The following FAM184B variants were observed in gnomAD, a reference collection of about 807,000 sequenced individuals.
FAM184B encodes the protein protein FAM184B.
Under a neutral mutation model 135.9 loss-of-function variants are expected in FAM184B, and 111 were observed. That is an observed-to-expected ratio of 0.82 (90% CI 0.70 to 0.96). The LOEUF is 0.96. Among genes scored for constraint, FAM184B ranks in the 40% least tolerant of loss-of-function variants. The probability of loss-of-function intolerance (pLI) is 0.00; values close to 1 mark genes in which losing one functional copy is unlikely to be tolerated. For missense variants in FAM184B, 1,375 were observed against 1,323.9 expected, an observed-to-expected ratio of 1.04 and a Z score of -0.60; for synonymous variants, 552 against 524.8, an observed-to-expected ratio of 1.05 and a Z score of -0.71.
At chr4:17,729,369 A>T (rs1717718964) in intron 1 of FAM184B, among the ~76,000 whole-genome samples, 1 of 152,218 alleles carries the variant, frequency 6.6e-6, no homozygotes, top group Admixed American at 6.5e-5. Flanking sequence ...GCAGACTTAA[A>T]TGTCCCTGTC....
chr4:17,649,910 A>G (rs1038818993), intron 11 of FAM184B, among the ~76,000 whole-genome samples: 4 of 151,022 alleles, frequency 2.6e-5, no homozygotes, highest in Non-Finnish European at 4.4e-5. Flanking sequence ...CCATCTGTCC[A>G]TCCATTCATC....
Position 17,658,406 on chromosome 4 carries a change from C to A in FAM184B, c.1981G>T (p.Ala661Ser). Reference sequence around the variant, plus strand: ...ATGCGCAGGGCTCTCTGGTGGGAAGCCTCGAGCTGGGCTTTCATGGCGTGG... The same window carrying A: ...ATGCGCAGGGCTCTCTGGTGGGAAGACTCGAGCTGGGCTTTCATGGCGTGG... ...QNHAMKAQLE[A>S]SHQRALRMLE... Residue 661 changes from alanine to serine, a missense_variant, in exon 10 of 18, where the codon GCT becomes TCT. Physicochemically the swap from Ala to Ser is moderately conservative, Grantham distance 99. Coordinates refer to ENST00000265018, the MANE Select transcript of FAM184B (RefSeq NM_015688.2). The A allele has an allele frequency of 6.4e-7, 1 of 1,551,636 alleles. No individual in the cohort carries two copies. The highest frequency in any genetic ancestry group is 8.7e-7 in the Non-Finnish European group (1 of 1,147,000).
At chr4:17,676,484 T>C (rs1398215512) in intron 7 of FAM184B, among the ~76,000 whole-genome samples, 1 of 152,244 alleles carries the variant, frequency 6.6e-6, no homozygotes, top group Non-Finnish European at 1.5e-5. Context: ...AAGTGTATTT[T>C]TTAATTAAGG....
At chr4:17,663,700 A>T (rs192398029) in intron 8 of FAM184B, among the ~76,000 whole-genome samples, 4 of 152,056 alleles carry the variant, frequency 2.6e-5, no homozygotes, top group Admixed American at 2.6e-4. Context: ...AGTCAAGCTC[A>T]TGTAAGTCCT....
At chr4:17,780,790 C>T (rs1428635834) in intron 1 of FAM184B, among the ~76,000 whole-genome samples, 2 of 152,152 alleles carry the variant, frequency 1.3e-5, no homozygotes, top group African/African-American at 4.8e-5. Context: ...ATAGAGCCCA[C>T]ATGACCTCCC....
chr4:17,766,062 C>T (rs923978322), intron 1 of FAM184B, among the ~76,000 whole-genome samples: 16 of 152,236 alleles, frequency 1.1e-4, no homozygotes, highest in African/African-American at 3.9e-4. Context: ...AAAGGAAGTG[C>T]AGGCCCAAAG....
intron 8 of FAM184B, among the ~76,000 whole-genome samples, chr4:17,660,363 C>A (rs1715888555): frequency 6.6e-6 from 1 of 152,072 alleles, no homozygotes; most frequent in Non-Finnish European, 1.5e-5. Context: ...TTAGTGGGTT[C>A]TTAATAAATG....
chr4:17,675,763 CT>C (rs1178070251), intron 7 of FAM184B, among the ~76,000 whole-genome samples: 2 of 152,190 alleles, frequency 1.3e-5, no homozygotes, highest in Non-Finnish European at 2.9e-5. Context: ...ATAGAGATGG[CT>C]TGTTTCCTTA....
At chr4:17,654,711 G>C (rs1306805806) in intron 10 of FAM184B, among the ~76,000 whole-genome samples, 1 of 152,190 alleles carries the variant, frequency 6.6e-6, no homozygotes, top group African/African-American at 2.4e-5. Context: ...AACCACCTTT[G>C]AGCCCAAGTT....
chr4:17,654,546 T>C (rs1715737975), intron 10 of FAM184B, among the ~76,000 whole-genome samples: 1 of 152,208 alleles, frequency 6.6e-6, no homozygotes, highest in Non-Finnish European at 1.5e-5. Context: ...GCAGGGAACC[T>C]GCCTGCAGAG....
chr4:17,679,584 T>C (rs181910578), intron 7 of FAM184B, among the ~76,000 whole-genome samples: 50 of 152,254 alleles, frequency 3.3e-4, no homozygotes, highest in African/African-American at 1.1e-3. Flanking sequence ...TGTAAACTAG[T>C]ATAACCACTA....
Position 17,639,251 on chromosome 4 carries a change from C to A in FAM184B, c.2665G>T (p.Glu889Ter), listed in dbSNP as rs370211318. 91 of 1,551,480 alleles carry A rather than the reference C, an allele frequency of 5.9e-5. No homozygotes were observed. Among genetic ancestry groups the A allele is most frequent in the Non-Finnish European group, 7.9e-5 (91 of 1,146,982 alleles). The change falls in exon 14 of 18, where the codon GAA becomes TAA. Residue 889 changes from glutamate to a stop codon, truncating the protein, a stop_gained and splice_region_variant. Transcript: ENST00000265018. LOFTEE classifies it high-confidence loss of function. Reference protein sequence around the residue: ...LQARLAALEAELKDSGEKPGK... With the variant: ...LQARLAALEA ...CCTGGGGCCCGAGGCCTCACTTACTCGGCTTCCAGGGCAGCCAGCCGGGCC... is the reference window on the plus strand; with the variant it reads ...CCTGGGGCCCGAGGCCTCACTTACTAGGCTTCCAGGGCAGCCAGCCGGGCC...
At chr4:17,766,295 G>A (rs1577295378) in intron 1 of FAM184B, among the ~76,000 whole-genome samples, 1 of 152,196 alleles carries the variant, frequency 6.6e-6, no homozygotes, top group Admixed American at 6.5e-5. Context: ...CCCTGAGCTA[G>A]ACACAAAAGT....
At chr4:17,740,583 T>C (rs1309039096) in intron 1 of FAM184B, among the ~76,000 whole-genome samples, 1 of 152,140 alleles carries the variant, frequency 6.6e-6, no homozygotes, top group African/African-American at 2.4e-5. Flanking sequence ...ATAAAATACA[T>C]AATCTTGCCC....
At chr4:17,659,348 C>T (rs951062545) in intron 9 of FAM184B, among the ~76,000 whole-genome samples, 5 of 152,040 alleles carry the variant, frequency 3.3e-5, no homozygotes, top group Admixed American at 2.0e-4. Context: ...CTCAAGCATT[C>T]CTCCTGCCTC....
In FAM184B at chr4:17,639,378, C is replaced by T. The variant is rs772048329; in HGVS notation, c.2538G>A (p.Gln846=). The T allele has an allele frequency of 1.3e-6, 2 of 1,551,664 alleles. No individual in the cohort carries two copies. Among genetic ancestry groups the T allele is most frequent in the South Asian group, 2.4e-5 (2 of 84,060 alleles). Residue 846 remains glutamine (Q), a synonymous_variant, in exon 14 of 18, where the codon CAG becomes CAA. Transcript: ENST00000265018. ...RDQRRFLEET[Q]QAQRAREVET... is the part of the protein sequence containing the mutation. ...CCACCTCCCTGGCCCGCTGGGCTTG[C>T]TGAGTCTCCTCCAGGAACCTGTGGT...
At chr4:17,775,368 G>T (rs1365140539) in intron 1 of FAM184B, among the ~76,000 whole-genome samples, 2 of 152,000 alleles carry the variant, frequency 1.3e-5, no homozygotes, top group Non-Finnish European at 2.9e-5. Flanking sequence ...TGTATTTTTA[G>T]TAGAGTCAGG....
At position 17,647,742 on chromosome 4, in the gene FAM184B, G is replaced by A. The variant is rs1715508547; in HGVS notation, c.2241C>T (p.His747=). 1 of 1,550,944 alleles carries A rather than the reference G, an allele frequency of 6.4e-7. No individual in the cohort carries two copies. Among genetic ancestry groups the A allele is most frequent in the Non-Finnish European group, 8.7e-7 (1 of 1,146,994 alleles). Residue 747 remains histidine, a synonymous_variant, in exon 12 of 18, where the codon CAC becomes CAT. Coordinates refer to ENST00000265018, the MANE Select transcript of FAM184B (RefSeq NM_015688.2). ...LSEQQAACSG[H]QKDLEALQAE... Reference sequence around the variant, plus strand: ...CCTGCAGTGCCTCCAAGTCCTTCTGGTGCCCAGAACAGGCAGCTTGCTGCT... The same window carrying A: ...CCTGCAGTGCCTCCAAGTCCTTCTGATGCCCAGAACAGGCAGCTTGCTGCT...
Position 17,705,190 on chromosome 4 carries a change from C to G in FAM184B, c.1187G>C (p.Ser396Thr). The G allele has an allele frequency of 3.2e-6, 5 of 1,551,668 alleles. No homozygotes were observed. The highest frequency in any genetic ancestry group is 4.4e-6 in the Non-Finnish European group (5 of 1,146,986). Reference protein sequence around the residue: ...GTDMQTKKEASAETEYMKQQY... With the variant: ...GTDMQTKKEATAETEYMKQQY... ...TTGCTTCATATATTCTGTCTCAGCA[C>G]TTGCCTCTTTCTTGGTCTATAAAAA... The change falls in exon 5 of 18, where the codon AGT (serine) becomes ACT (threonine). Residue 396 changes from serine (S) to threonine (T), a missense_variant. Physicochemically the swap from Ser to Thr is moderately conservative, Grantham distance 58. Coordinates refer to ENST00000265018, the MANE Select transcript of FAM184B (RefSeq NM_015688.2).
Sources: allele counts gnomAD v4.1 joint callset (sites outside exome capture counted in the v4.1 genomes callset), GRCh38; gene constraint gnomAD v4.1.1; transcripts MANE v1.5; gene names NCBI Gene and HGNC (gene_info 2026-07-23, HGNC 2026-07-21).